The following GUCY1B1 variants were observed in gnomAD, a reference collection of about 807,000 sequenced individuals.
GUCY1B1 encodes the protein guanylate cyclase 1 soluble subunit beta 1.
Under a neutral mutation model 71.0 loss-of-function variants are expected in GUCY1B1, and 43 were observed. The ratio of observed to expected loss-of-function variants is 0.61; its 90% CI spans 0.47 to 0.78. The LOEUF (loss-of-function observed/expected upper bound fraction) is 0.78, where lower values mean the gene tolerates loss of function less well. Ranked by LOEUF, GUCY1B1 falls within the 30% of genes least tolerant of loss-of-function variation. The pLI is 0.00. For synonymous variants in GUCY1B1, 266 were observed against 259.7 expected (o/e 1.02, Z -0.23); for missense variants, 535 against 754.1 (o/e 0.71, Z 3.40).
chr4:155,806,641 G>T lies in GUCY1B1; in HGVS notation c.*232G>T. ...TATCTAAAGTTTGGCTTTTGATGTG[G>T]ATGATGTGAGCTTCATGTGTCTTAA... On this transcript the variant is annotated 3_prime_UTR_variant, in exon 14 of 14. Coordinates refer to ENST00000264424, the MANE Select transcript of GUCY1B1 (RefSeq NM_000857.5). The T allele has an allele frequency of 2.3e-6, 1 of 431,424 alleles. No homozygotes were observed. The highest frequency in any genetic ancestry group is 3.4e-5 in the East Asian group (1 of 29,232). The allele number at this position is 431,424 out of a possible 1,614,324, so 26.7% of individuals were successfully genotyped here. A position where few individuals can be genotyped will look rare whatever the true frequency, so the allele number is the denominator to read the frequency against.
At position 155,777,602 on chromosome 4, in the gene GUCY1B1, T is replaced by C; in HGVS notation, c.257T>C (p.Ile86Thr). 6.2e-7 allele frequency: 1 copy of C among 1,606,032 alleles called. No individual in the cohort carries two copies. ...VFCQESGYDT[I>T]LRVLGSNVRE... ...TGCCAAGAATCTGGTTATGATACAATCTTGCGTGTCCTGGGCTCTAATGTC... is the reference window on the plus strand; with the variant it reads ...TGCCAAGAATCTGGTTATGATACAACCTTGCGTGTCCTGGGCTCTAATGTC... The change falls in exon 4 of 14, where the codon ATC becomes ACC. Residue 86 changes from isoleucine to threonine, a missense_variant. Ile to Thr is a moderately conservative substitution (Grantham distance 89). Transcript: ENST00000264424.
At chr4:155,762,599 C>T (rs1345308036) in intron 2 of GUCY1B1, among the ~76,000 whole-genome samples, 1 of 152,150 alleles carries the variant, frequency 6.6e-6, no homozygotes, top group African/African-American at 2.4e-5. Context: ...TATCCACTTA[C>T]ACTCTTACCA....
intron 2 of GUCY1B1, among the ~76,000 whole-genome samples, chr4:155,770,180 A>C (rs983076738): frequency 6.6e-6 from 1 of 152,198 alleles, no homozygotes; most frequent in Non-Finnish European, 1.5e-5. Flanking sequence ...TCTGAATATT[A>C]GCTTACTTCC....
intron 8 of GUCY1B1, among the ~76,000 whole-genome samples, chr4:155,797,353 T>C (rs1443813124): frequency 6.6e-6 from 1 of 152,202 alleles, no homozygotes; most frequent in Admixed American, 6.5e-5. Context: ...GGTCTTAAAA[T>C]TTCTGAAAAA....
At chr4:155,787,267 G>T (rs1738861460) in intron 4 of GUCY1B1, among the ~76,000 whole-genome samples, 1 of 152,120 alleles carries the variant, frequency 6.6e-6, no homozygotes, top group Non-Finnish European at 1.5e-5. Flanking sequence ...ATACTTAGTG[G>T]CTGCCATATT....
chr4:155,785,473 G>A (rs1367141973), intron 4 of GUCY1B1: 2 of 525,710 alleles, frequency 3.8e-6, no homozygotes, highest in Non-Finnish European at 3.3e-6. Context: ...GTTTTGATAT[G>A]AAACTCTTAT....
At position 155,807,761 on chromosome 4, in the gene GUCY1B1, A is replaced by C. The variant is rs1320629037; in HGVS notation, c.*1352A>C. ...AAATGCTATATTTCTTTTTAATACC[A>C]ACAGAGTGACAGGAAATAAAGACTG... On this transcript the variant is annotated 3_prime_UTR_variant, in exon 14 of 14. Coordinates refer to ENST00000264424, the MANE Select transcript of GUCY1B1 (RefSeq NM_000857.5). Among the ~76,000 whole-genome samples the C allele has an allele frequency of 6.6e-6, 1 of 152,108 alleles. No individual in the cohort carries two copies. The highest frequency in any genetic ancestry group is 2.4e-5 in the African/African-American group (1 of 41,424).
intron 2 of GUCY1B1, among the ~76,000 whole-genome samples, chr4:155,762,250 C>T (rs1371856073): frequency 3.3e-5 from 5 of 152,156 alleles, no homozygotes; most frequent in Admixed American, 2.0e-4. Flanking sequence ...CTACCCTCTG[C>T]TTCAGGGAAT....
At chr4:155,787,812 T>C (rs1321290882) in intron 4 of GUCY1B1, among the ~76,000 whole-genome samples, 2 of 152,208 alleles carry the variant, frequency 1.3e-5, no homozygotes, top group Non-Finnish European at 2.9e-5. Context: ...ATCATCTCAT[T>C]CTCACCGTAG....
intron 4 of GUCY1B1, among the ~76,000 whole-genome samples, chr4:155,778,039 T>C (rs1239187808): frequency 6.6e-6 from 1 of 152,188 alleles, no homozygotes; most frequent in Admixed American, 6.5e-5. Flanking sequence ...GTAGATATAA[T>C]CGAGCAATGT....
intron 2 of GUCY1B1, among the ~76,000 whole-genome samples, chr4:155,763,545 CA>C (rs60201385): frequency 2.1e-4 from 32 of 150,520 alleles, no homozygotes; most frequent in African/African-American, 2.7e-4. Flanking sequence ...TCCTTACCTT[CA>C]AAAAAAAAAT....
At chr4:155,764,985 G>T (rs1737232052) in intron 2 of GUCY1B1, among the ~76,000 whole-genome samples, 1 of 151,924 alleles carries the variant, frequency 6.6e-6, no homozygotes, top group Admixed American at 6.6e-5. Context: ...AAATCAAGCT[G>T]GGTCTTGGAG....
intron 2 of GUCY1B1, among the ~76,000 whole-genome samples, chr4:155,774,421 G>A (rs1379271830): frequency 6.6e-6 from 1 of 152,094 alleles, no homozygotes; most frequent in Non-Finnish European, 1.5e-5. Flanking sequence ...TTCTCAGTGA[G>A]GCCTTCCTGG....
intron 11 of GUCY1B1, 118 bp downstream of exon 11, chr4:155,803,882 A>T: frequency 1.7e-6 from 1 of 588,418 alleles, no homozygotes; most frequent in Non-Finnish European, 2.8e-6. Flanking sequence ...GACAACAAAG[A>T]CTATAGCATT....
intron 4 of GUCY1B1, 47 bp downstream of exon 4, chr4:155,777,689 C>A: frequency 1.1e-6 from 1 of 898,728 alleles, no homozygotes; most frequent in Non-Finnish European, 1.9e-6. Flanking sequence ...GTTTATAACT[C>A]TCAAATATAG....
intron 3 of GUCY1B1, among the ~76,000 whole-genome samples, chr4:155,775,444 C>T (rs1405320435): frequency 6.6e-6 from 1 of 152,100 alleles, no homozygotes; most frequent in Non-Finnish European, 1.5e-5. Context: ...AGGCACGCAC[C>T]ACCACGCCCA....
intron 5 of GUCY1B1, among the ~76,000 whole-genome samples, chr4:155,792,427 C>CT (rs1263472465): frequency 6.6e-6 from 1 of 152,052 alleles, no homozygotes; most frequent in Non-Finnish European, 1.5e-5. Context: ...CTTGCCTTGT[C>CT]TATGAGTTAG....
At position 155,802,275 on chromosome 4, in the gene GUCY1B1, A is replaced by T; in HGVS notation, c.1176-67A>T. On this transcript the variant is annotated intron_variant, in intron 9 of 13. Coordinates refer to ENST00000264424, the MANE Select transcript of GUCY1B1 (RefSeq NM_000857.5). The surrounding 1 kb of genome is among the most constrained non-coding windows in gnomAD (Gnocchi z 4.3). Reference sequence around the variant, plus strand: ...ACGACACTGATGCTGTGTGAAAAGGACAGCAGAAGCACTAAAGGCTTTCCC... The same window carrying T: ...ACGACACTGATGCTGTGTGAAAAGGTCAGCAGAAGCACTAAAGGCTTTCCC... The T allele has an allele frequency of 6.3e-7, 1 of 1,597,604 alleles. No homozygotes were observed.
Position 155,779,548 on chromosome 4 carries a change from A to G in GUCY1B1, c.297+1906A>G, listed in dbSNP as rs142013083. 1.3e-4 allele frequency among the ~76,000 whole-genome samples: 20 copies of G among 152,338 alleles called. No homozygotes were observed. In the East Asian group the frequency reaches 3.7e-3, roughly 28 times the overall value. On this transcript the variant is annotated intron_variant, in intron 4 of 13. Transcript: ENST00000264424. Reference sequence around the variant, plus strand: ...TTCAACGTGAGAGTGAAAAATGAAGAAACTAGAAAGTTAGAATACTGTAGT... The same window carrying G: ...TTCAACGTGAGAGTGAAAAATGAAGGAACTAGAAAGTTAGAATACTGTAGT...
Sources: allele counts gnomAD v4.1 joint callset (sites outside exome capture counted in the v4.1 genomes callset), GRCh38; gene constraint gnomAD v4.1.1; non-coding constraint Gnocchi (gnomAD v3.1); transcripts MANE v1.5; gene names NCBI Gene and HGNC (gene_info 2026-07-23, HGNC 2026-07-21).